TRAPPC9: variants seen among roughly 807,000 people sequenced by gnomAD.
The protein encoded by TRAPPC9 is trafficking protein particle complex subunit 9.
Under a neutral mutation model 124.0 loss-of-function variants are expected in TRAPPC9, and 83 were observed. The observed-to-expected ratio is 0.67, with a 90% CI of 0.56 to 0.80. The LOEUF (loss-of-function observed/expected upper bound fraction) is 0.80, where lower values mean the gene tolerates loss of function less well. Among genes scored for constraint, TRAPPC9 ranks in the 30% least tolerant of loss-of-function variants. The pLI is 0.00. For missense variants in TRAPPC9, 1,302 were observed against 1,508.3 expected (o/e 0.86, Z 2.27); for synonymous variants, 638 against 617.5 (o/e 1.03, Z -0.49).
chr8:140,243,023 G>A (rs1455277531), intron 16 of TRAPPC9, among the ~76,000 whole-genome samples: 2 of 152,200 alleles, frequency 1.3e-5, no homozygotes, highest in East Asian at 3.8e-4. Flanking sequence ...TCGGCTGAGG[G>A]ACTGGTACAA....
chr8:139,824,281 A>C (rs1042608064), intron 21 of TRAPPC9, among the ~76,000 whole-genome samples: 7 of 152,124 alleles, frequency 4.6e-5, no homozygotes, highest in Non-Finnish European at 2.9e-5. Flanking sequence ...TGAGGTGAGG[A>C]AGTCGCCGGG....
rs1430517662 is a variant in TRAPPC9, at chr8:140,337,073, T to G, written c.1495+22977A>C. Among the ~76,000 whole-genome samples the G allele has an allele frequency of 2.0e-5, 3 of 152,154 alleles. No homozygotes were observed. The East Asian group carries it at 5.8e-4, about 29-fold the overall frequency. ...TCCAACAACCACTGAGTAAGTGTCCTTAGCTGGCTGCAGGTGACCCAGGAT... is the reference window on the plus strand; with the variant it reads ...TCCAACAACCACTGAGTAAGTGTCCGTAGCTGGCTGCAGGTGACCCAGGAT... On this transcript the variant is annotated intron_variant, in intron 9 of 22. Transcript: ENST00000438773.
Position 140,252,295 on chromosome 8 carries a change from A to C in TRAPPC9, c.2431+482T>G, listed in dbSNP as rs1430132802. Among the ~76,000 whole-genome samples, 1 of 152,040 alleles carries C rather than the reference A, an allele frequency of 6.6e-6. No homozygotes were observed. Among genetic ancestry groups the C allele is most frequent in the Non-Finnish European group, 1.5e-5 (1 of 67,990 alleles). ...CCCGCCCTGGCCTCCCAGAGTGCTG[A>C]GATTATAGGTGTGAGCCATCACACC... On this transcript the variant is annotated intron_variant, in intron 16 of 22. Transcript: ENST00000438773. The surrounding 1 kb of genome is among the most constrained non-coding windows in gnomAD (Gnocchi z 4.2).
At chr8:140,351,321 C>A (rs2067567742) in intron 9 of TRAPPC9, among the ~76,000 whole-genome samples, 1 of 151,258 alleles carries the variant, frequency 6.6e-6, no homozygotes, top group Non-Finnish European at 1.5e-5. Flanking sequence ...ATTCAACCAA[C>A]CGAGGATTGA....
At chr8:140,069,797 G>A (rs538274077) in intron 17 of TRAPPC9, among the ~76,000 whole-genome samples, 7 of 152,250 alleles carry the variant, frequency 4.6e-5, no homozygotes, top group South Asian at 2.1e-4. Flanking sequence ...CTGCAGGTCC[G>A]AAAGCCTCAA....
chr8:139,786,463 T>A (rs1187896720), intron 21 of TRAPPC9, among the ~76,000 whole-genome samples: 1 of 151,702 alleles, frequency 6.6e-6, no homozygotes, highest in African/African-American at 2.4e-5. Flanking sequence ...CCAGTGGGCA[T>A]GTAAAATGGC....
At chr8:139,996,983 G>A (rs1262297104) in intron 18 of TRAPPC9, among the ~76,000 whole-genome samples, 4 of 152,136 alleles carry the variant, frequency 2.6e-5, no homozygotes, top group Non-Finnish European at 5.9e-5. Flanking sequence ...CTGACCTCAG[G>A]TGATCCACCC....
chr8:140,439,398 T>C (rs1472707414), intron 2 of TRAPPC9, among the ~76,000 whole-genome samples: 1 of 152,216 alleles, frequency 6.6e-6, no homozygotes, highest in Non-Finnish European at 1.5e-5. Context: ...GCCAAGCAAT[T>C]TGTTTAAAGG....
At chr8:139,976,330 T>C (rs929553346) in intron 19 of TRAPPC9, among the ~76,000 whole-genome samples, 1 of 152,072 alleles carries the variant, frequency 6.6e-6, no homozygotes, top group African/African-American at 2.4e-5. Flanking sequence ...CTATAAAACT[T>C]CTAAAAACAA....
intron 9 of TRAPPC9, among the ~76,000 whole-genome samples, chr8:140,325,744 C>T (rs1588153461): frequency 6.6e-6 from 1 of 152,170 alleles, no homozygotes; most frequent in African/African-American, 2.4e-5. Context: ...CGAATACTTC[C>T]CAACTTGTGT....
intron 19 of TRAPPC9, among the ~76,000 whole-genome samples, chr8:139,938,836 G>A (rs1346662971): frequency 6.7e-6 from 1 of 150,170 alleles, no homozygotes; most frequent in African/African-American, 2.5e-5. Flanking sequence ...TAGTAGAGAC[G>A]GGGTTTCACC....
chr8:140,076,889 G>C (rs919220365), intron 17 of TRAPPC9, among the ~76,000 whole-genome samples: 5 of 152,148 alleles, frequency 3.3e-5, no homozygotes, highest in Admixed American at 3.3e-4. Flanking sequence ...AAATCAGCTG[G>C]GTACAATAGT....
Position 140,281,802 on chromosome 8 carries a change from C to T in TRAPPC9, c.2114+2087G>A, listed in dbSNP as rs193099976. 2.1e-3 allele frequency among the ~76,000 whole-genome samples: 315 copies of T among 152,314 alleles called. 1 individual carries two copies. Among genetic ancestry groups the T allele is most frequent in the African/African-American group, 7.1e-3 (294 of 41,576 alleles). ...TTCATTTTATTCCCCGGTTATACGT[C>T]AGTGTCTCCACCTCTCCTTCCTCTG... On this transcript the variant is annotated intron_variant, in intron 14 of 22. Coordinates refer to ENST00000438773, the MANE Select transcript of TRAPPC9 (RefSeq NM_001160372.4).
At chr8:139,987,316 G>A (rs1193956364) in intron 19 of TRAPPC9, among the ~76,000 whole-genome samples, 1 of 152,106 alleles carries the variant, frequency 6.6e-6, no homozygotes, top group Non-Finnish European at 1.5e-5. Flanking sequence ...TTACAGGATA[G>A]CCCCAGACCT....
chr8:139,913,050 A>G (rs944292228), intron 19 of TRAPPC9, among the ~76,000 whole-genome samples: 1 of 152,238 alleles, frequency 6.6e-6, no homozygotes, highest in African/African-American at 2.4e-5. Context: ...CAGAAAAGAG[A>G]AACAGCCAGC....
intron 17 of TRAPPC9, among the ~76,000 whole-genome samples, chr8:140,116,594 A>C (rs2060891362): frequency 6.6e-6 from 1 of 152,214 alleles, no homozygotes; most frequent in Non-Finnish European, 1.5e-5. Flanking sequence ...CATTTTAAAG[A>C]GTCACATATA....
chr8:139,746,473 G>A (rs1178566720), intron 21 of TRAPPC9, among the ~76,000 whole-genome samples: 1 of 152,200 alleles, frequency 6.6e-6, no homozygotes, highest in African/African-American at 2.4e-5. Context: ...GGCGGGCTAT[G>A]GGACCAACAG....
chr8:139,930,341 A>G (rs755498342), intron 19 of TRAPPC9, among the ~76,000 whole-genome samples: 2 of 152,226 alleles, frequency 1.3e-5, no homozygotes, highest in Non-Finnish European at 2.9e-5. Context: ...CAAGGTGAGC[A>G]GTGGCAAGGC....
chr8:140,144,234 AT>A (rs2061423419), intron 17 of TRAPPC9, among the ~76,000 whole-genome samples: 1 of 152,148 alleles, frequency 6.6e-6, no homozygotes, highest in South Asian at 2.1e-4. Context: ...TCCTGTTGGA[AT>A]TTTGCCAGGA....
Sources: gnomAD v4.1 joint callset for allele counts (sites outside exome capture counted in the v4.1 genomes callset) on GRCh38, gnomAD v4.1.1 for gene constraint, Gnocchi (gnomAD v3.1) non-coding constraint, MANE v1.5 for transcripts, NCBI Gene and HGNC (gene_info 2026-07-23, HGNC 2026-07-21) for gene names.